The following ABI3BP variants were observed in gnomAD, a reference collection of about 807,000 sequenced individuals.
ABI3BP encodes the protein ABI family member 3 binding protein.
ABI3BP carries 216 observed loss-of-function variants against 268.6 expected under a neutral mutation model. The ratio of observed to expected loss-of-function variants is 0.80; its 90% confidence interval spans 0.72 to 0.90. The LOEUF (loss-of-function observed/expected upper bound fraction) is 0.90. Among genes scored for constraint, ABI3BP ranks in the 40% least tolerant of loss-of-function variants. The pLI is 0.00. For missense variants in ABI3BP, 2,090 were observed against 2,182.4 expected (o/e 0.96, Z 0.84); for synonymous variants, 730 against 730.0 (o/e 1.00, Z 0.00).
At chr3:100,793,157 A>G (rs1043556334) in intron 54 of ABI3BP, among the ~76,000 whole-genome samples, 2 of 151,936 alleles carry the variant, frequency 1.3e-5, no homozygotes. Context: ...GCTGGAAAGG[A>G]AGTATATCAT....
intron 65 of ABI3BP, among the ~76,000 whole-genome samples, chr3:100,753,396 C>T (rs1261176043): frequency 6.6e-6 from 1 of 151,850 alleles, no homozygotes; most frequent in Non-Finnish European, 1.5e-5. Flanking sequence ...AGTGAACATC[C>T]CACCTCAGCC....
intron 1 of ABI3BP, among the ~76,000 whole-genome samples, chr3:100,950,676 C>T (rs1252782165): frequency 6.6e-6 from 1 of 151,990 alleles, no homozygotes; most frequent in Admixed American, 6.6e-5. Context: ...GCTGGTCAAA[C>T]ACTCTTTTCA....
At chr3:100,835,548 G>A (rs1256663443) in intron 28 of ABI3BP, 53 bp downstream of exon 28, 5 of 1,359,798 alleles carry the variant, frequency 3.7e-6, no homozygotes, top group Non-Finnish European at 5.0e-6. Flanking sequence ...TGATGGAATA[G>A]ACTAGACAAT....
rs1235113555 is a variant in ABI3BP at position 100,795,839 on chromosome 3, A to G, written c.3830T>C (p.Val1277Ala). 5 of 1,287,958 alleles carry G rather than the reference A, an allele frequency of 3.9e-6. No individual in the cohort carries two copies. The East Asian group carries it at 2.2e-4, about 57-fold the overall frequency. The allele number at this position is 1,287,958 out of a possible 1,614,324, so 79.8% of individuals were successfully genotyped here. A position where few individuals can be genotyped will look rare whatever the true frequency, so the allele number is the denominator to read the frequency against. ...VSQSEPVLQP[V>A]TFRFEPPKTT... ...CTTTGGTGGCTCAAATCTAAAGGTAACAGGCTGCAGAACTATGCCAAAAGC... is the reference window on the plus strand; with the variant it reads ...CTTTGGTGGCTCAAATCTAAAGGTAGCAGGCTGCAGAACTATGCCAAAAGC... The change falls in exon 53 of 68, where the codon GTT becomes GCT. Residue 1277 changes from valine to alanine, a missense_variant. Physicochemically the swap from Val to Ala is moderately conservative, Grantham distance 64. Transcript: ENST00000471714.
chr3:100,887,076 T>A (rs1035812785), intron 4 of ABI3BP, among the ~76,000 whole-genome samples: 6 of 152,012 alleles, frequency 3.9e-5, no homozygotes, highest in Non-Finnish European at 8.8e-5. Flanking sequence ...TTAATCTCAT[T>A]TTACAAATGT....
At chr3:100,885,268 T>A (rs1469826773) in intron 6 of ABI3BP, among the ~76,000 whole-genome samples, 1 of 152,078 alleles carries the variant, frequency 6.6e-6, no homozygotes, top group African/African-American at 2.4e-5. Flanking sequence ...ATAATATGTA[T>A]AACCTTGAAA....
At chr3:100,807,137 C>T (rs938780214) in intron 50 of ABI3BP, among the ~76,000 whole-genome samples, 1 of 151,856 alleles carries the variant, frequency 6.6e-6, no homozygotes, top group Non-Finnish European at 1.5e-5. Flanking sequence ...TACTCAAATC[C>T]AAAGCTGAGA....
At chr3:100,967,210 AT>A (rs1330141216) in intron 1 of ABI3BP, among the ~76,000 whole-genome samples, 1 of 152,140 alleles carries the variant, frequency 6.6e-6, no homozygotes, top group South Asian at 2.1e-4. Flanking sequence ...TAAATCAAAT[AT>A]TATTTGAGGG....
chr3:100,847,785 G>T, intron 18 of ABI3BP, 112 bp from the exon 19 acceptor site: 1 of 844,028 alleles, frequency 1.2e-6, no homozygotes, highest in Non-Finnish European at 2.0e-6. Flanking sequence ...AGTAGTCAAA[G>T]TATACAATGA....
intron 2 of ABI3BP, among the ~76,000 whole-genome samples, chr3:100,907,393 C>A (rs968664902): frequency 1.3e-5 from 2 of 152,070 alleles, no homozygotes; most frequent in Non-Finnish European, 2.9e-5. Context: ...ACTCAGGAGG[C>A]TGAGGTGGGA....
chr3:100,820,942 CAG>C (rs1463296810), intron 39 of ABI3BP, 110 bp downstream of exon 39: 7 of 890,360 alleles, frequency 7.9e-6, no homozygotes, highest in Admixed American at 4.4e-5. Flanking sequence ...TGGAATGAAA[CAG>C]AGAATGATGA....
At chr3:100,811,405 GA>G (rs1470610625) in intron 47 of ABI3BP, 128 bp from the exon 48 acceptor site, 3 of 698,644 alleles carry the variant, frequency 4.3e-6, no homozygotes, top group Admixed American at 6.2e-5. Context: ...ATTTAGACAG[GA>G]AAAAAGAATT....
intron 1 of ABI3BP, among the ~76,000 whole-genome samples, chr3:100,953,466 C>A (rs2713744): frequency 1 from 152,299 of 152,328 alleles, 76,135 homozygotes; most frequent in Non-Finnish European, 1. Context: ...ACTACATCAC[C>A]CATCAGTAGT....
intron 14 of ABI3BP, among the ~76,000 whole-genome samples, chr3:100,852,537 A>G (rs1353345750): frequency 6.6e-6 from 1 of 152,158 alleles, no homozygotes; most frequent in Non-Finnish European, 1.5e-5. Context: ...TAGATAACCA[A>G]GTTGTGGTTT....
At chr3:100,837,234 C>T (rs1053453209) in intron 26 of ABI3BP, 63 bp from the exon 27 acceptor site, 2 of 1,339,598 alleles carry the variant, frequency 1.5e-6, no homozygotes, top group South Asian at 1.3e-5. Context: ...CTTTTGGGTG[C>T]TCATTGGTGT....
chr3:100,871,309 T>A lies in ABI3BP; in HGVS notation c.910+3532A>T, dbSNP rs1010133665. Among the ~76,000 whole-genome samples, 115 of 152,210 alleles carry A rather than the reference T, an allele frequency of 7.6e-4. 1 individual carries two copies. The highest frequency in any genetic ancestry group is 2.4e-3 in the Admixed American group (37 of 15,286). ...TTGAAGCATATACAATAAAAAATTT[T>A]AAAAAATTGTATATGTAGTTTTTAA... is the stretch of plus-strand genomic sequence containing the variant. On this transcript the variant is annotated intron_variant, in intron 9 of 67. Transcript: ENST00000471714.
intron 1 of ABI3BP, among the ~76,000 whole-genome samples, chr3:100,966,358 CT>C (rs1379918126): frequency 2.0e-5 from 3 of 152,216 alleles, no homozygotes; most frequent in Admixed American, 2.0e-4. Context: ...AATGCTATCT[CT>C]GAATTTCATG....
Position 100,840,069 on chromosome 3 carries a change from T to C in ABI3BP, c.1897+3A>G, listed in dbSNP as rs80304219. The C allele has an allele frequency of 8.4e-3, 12,658 of 1,511,884 alleles. 487 individuals carry two copies. In the East Asian group the frequency reaches 0.11, roughly 13 times the overall value. 93.7% of individuals were successfully genotyped at this position (1,511,884 alleles called of 1,614,324 possible). A position where few individuals can be genotyped will look rare whatever the true frequency, so the allele number is the denominator to read the frequency against. ...TTAATTGGAACCTGAATATCACATTTACCGGGTTTGGACTTGGGCACTTCT... is the reference window on the plus strand; with the variant it reads ...TTAATTGGAACCTGAATATCACATTCACCGGGTTTGGACTTGGGCACTTCT... On this transcript the variant is annotated splice_donor_region_variant and intron_variant, in intron 23 of 67. Transcript: ENST00000471714.
At chr3:100,878,602 A>T (rs1003506995) in intron 6 of ABI3BP, among the ~76,000 whole-genome samples, 2 of 152,234 alleles carry the variant, frequency 1.3e-5, no homozygotes, top group Non-Finnish European at 2.9e-5. Flanking sequence ...GGGATAAAAA[A>T]TACCAAACTC....
Sources: allele counts gnomAD v4.1 joint callset (sites outside exome capture counted in the v4.1 genomes callset), GRCh38; gene constraint gnomAD v4.1.1; transcripts MANE v1.5; gene names NCBI Gene and HGNC (gene_info 2026-07-23, HGNC 2026-07-21).